Variants in ACER1 observed in about 807,000 individuals in gnomAD.
The protein encoded by ACER1 is alkaline ceramidase 1.
ACER1 carries 28 observed loss-of-function variants against 24.9 expected under a neutral mutation model. The ratio of observed to expected loss-of-function variants is 1.13; its 90% CI spans 0.83 to 1.54. The LOEUF is 1.54. ACER1 is among the 40% of genes most tolerant of loss of function. ACER1 has a pLI of 0.00. For synonymous variants in ACER1, 132 were observed against 131.4 expected (o/e 1.00, Z -0.03); for missense variants, 352 against 349.3 (o/e 1.01, Z -0.06).
At chr19:6,331,827 C>G (rs554086364) in intron 1 of ACER1, among the ~76,000 whole-genome samples, 2 of 152,140 alleles carry the variant, frequency 1.3e-5, no homozygotes, top group South Asian at 4.2e-4. Context: ...AAGAACTAAG[C>G]ACTATGCCTG....
intron 1 of ACER1, among the ~76,000 whole-genome samples, chr19:6,323,027 GCT>G (rs2091638827): frequency 6.6e-6 from 1 of 152,114 alleles, no homozygotes; most frequent in Non-Finnish European, 1.5e-5. Flanking sequence ...GAGGAGAATA[GCT>G]TGAACCAGGG....
chr19:6,335,283 G>A (rs2091709379), upstream of ACER1, among the ~76,000 whole-genome samples: 1 of 141,374 alleles, frequency 7.1e-6, no homozygotes, highest in Non-Finnish European at 1.5e-5. Context: ...GGAGTGCAGT[G>A]GCATGATCTT....
chr19:6,324,604 A>C lies in ACER1; in HGVS notation c.93+8855T>G, dbSNP rs569725365. On this transcript the variant is annotated intron_variant, in intron 1 of 5. Coordinates refer to ENST00000301452, the MANE Select transcript of ACER1 (RefSeq NM_133492.3). ...GAAACCCCATCTCTACTAAAAAAAAAAAAATACAAAATTAACCGGGCGTGG... is the reference window on the plus strand; with the variant it reads ...GAAACCCCATCTCTACTAAAAAAAACAAAATACAAAATTAACCGGGCGTGG... 4.5e-3 allele frequency among the ~76,000 whole-genome samples: 684 copies of C among 151,320 alleles called. 5 individuals are homozygous for C. The highest frequency in any genetic ancestry group is 0.016 in the African/African-American group (646 of 41,278).
chr19:6,316,483 G>T (rs2091603639), intron 1 of ACER1, among the ~76,000 whole-genome samples: 1 of 152,036 alleles, frequency 6.6e-6, no homozygotes, highest in Non-Finnish European at 1.5e-5. Context: ...AACATGGATG[G>T]AACCGGAGGA....
chr19:6,347,084 A>C, the ACER1 span, among the ~76,000 whole-genome samples: 6 of 131,720 alleles, frequency 4.6e-5, no homozygotes, highest in African/African-American at 1.8e-4. Flanking sequence ...CAACACCACG[A>C]GTCCCTGTCT....
chr19:6,334,906 T>C (rs1006639490), upstream of ACER1, among the ~76,000 whole-genome samples: 4 of 150,684 alleles, frequency 2.7e-5, no homozygotes, highest in Non-Finnish European at 5.9e-5. Flanking sequence ...GTTTTCTTAC[T>C]GAAGCTGACC....
intron 1 of ACER1, among the ~76,000 whole-genome samples, chr19:6,330,073 G>A (rs1348844457): frequency 2.6e-5 from 4 of 151,570 alleles, no homozygotes; most frequent in Admixed American, 6.6e-5. Context: ...GGGTTTCACC[G>A]TGTTAGCCAG....
intron 1 of ACER1, among the ~76,000 whole-genome samples, chr19:6,333,083 C>G (rs569717947): frequency 6.6e-6 from 1 of 152,232 alleles, no homozygotes; most frequent in Non-Finnish European, 1.5e-5. Flanking sequence ...TCCAGGAAGC[C>G]TTTCCTGATT....
intron 1 of ACER1, among the ~76,000 whole-genome samples, chr19:6,321,842 C>T (rs1252590028): frequency 1.3e-5 from 2 of 151,648 alleles, no homozygotes; most frequent in Non-Finnish European, 2.9e-5. Flanking sequence ...GAACTCCTGA[C>T]CTCAGGTCAT....
chr19:6,356,266 G>A, the ACER1 span, among the ~76,000 whole-genome samples: 3 of 147,716 alleles, frequency 2.0e-5, no homozygotes, highest in South Asian at 4.2e-4. Context: ...ACAGATGCTT[G>A]AAGGCAGCAT....
At chr19:6,329,730 G>A (rs532655238) in intron 1 of ACER1, among the ~76,000 whole-genome samples, 62 of 152,126 alleles carry the variant, frequency 4.1e-4, no homozygotes, top group South Asian at 8.3e-4. Flanking sequence ...TTTAGAGACA[G>A]GATATTACTC....
chr19:6,355,810 C>A, the ACER1 span, among the ~76,000 whole-genome samples: 2 of 145,278 alleles, frequency 1.4e-5, no homozygotes, highest in Non-Finnish European at 3.0e-5. Flanking sequence ...GGGGTTCAGC[C>A]CCCCGCCCGG....
chr19:6,311,491 G>A (rs750898828), intron 3 of ACER1, among the ~76,000 whole-genome samples: 3 of 151,838 alleles, frequency 2.0e-5, no homozygotes, highest in Non-Finnish European at 4.4e-5. Flanking sequence ...GCAGTGAGCC[G>A]AGATCGCACC....
At chr19:6,331,706 A>G (rs1217346743) in intron 1 of ACER1, among the ~76,000 whole-genome samples, 2 of 151,702 alleles carry the variant, frequency 1.3e-5, no homozygotes, top group Non-Finnish European at 2.9e-5. Flanking sequence ...AGGCAGCAGA[A>G]TGGCTTGAAC....
Position 6,309,729 on chromosome 19 carries a change from G to A in ACER1, c.456C>T (p.His152=). Residue 152 remains histidine, a synonymous_variant, in exon 4 of 6, where the codon CAC becomes CAT. Transcript: ENST00000301452. ...NAYALNSIAL[H]ILYIVCQEYR... Reference sequence around the variant, plus strand: ...ACTCCTGGCACACGATGTAGAGAATGTGCAGGGCAATGCTGTTGAGGGCGT... The same window carrying A: ...ACTCCTGGCACACGATGTAGAGAATATGCAGGGCAATGCTGTTGAGGGCGT... 6.2e-7 allele frequency: 1 copy of A among 1,614,070 alleles called. No individual in the cohort carries two copies. Among genetic ancestry groups the A allele is most frequent in the South Asian group, 1.1e-5 (1 of 91,080 alleles).
chr19:6,343,931 T>G, the ACER1 span: 1 of 152,360 alleles, frequency 6.6e-6, no homozygotes, highest in East Asian at 1.9e-4. Flanking sequence ...GACCCAGGAT[T>G]CTGGTACAAG....
intron 1 of ACER1, 32 bp downstream of exon 1, chr19:6,333,427 G>T: frequency 6.6e-7 from 1 of 1,524,416 alleles, no homozygotes; most frequent in South Asian, 1.2e-5. Context: ...ACCGGCATCT[G>T]GCGAGACTCC....
At chr19:6,331,900 T>C (rs114034319) in intron 1 of ACER1, among the ~76,000 whole-genome samples, 221 of 152,200 alleles carry the variant, frequency 1.5e-3, no homozygotes, top group African/African-American at 5.0e-3. Context: ...AGTATGGGCA[T>C]GGCATAGCTG....
chr19:6,326,427 AT>A (rs553349790), intron 1 of ACER1, among the ~76,000 whole-genome samples: 25 of 145,972 alleles, frequency 1.7e-4, no homozygotes, highest in East Asian at 1.6e-3. Flanking sequence ...CGCCCGGCCT[AT>A]TTTTTTTTTA....
Sources: allele counts gnomAD v4.1 joint callset (sites outside exome capture counted in the v4.1 genomes callset), GRCh38; gene constraint gnomAD v4.1.1; transcripts MANE v1.5; gene names NCBI Gene and HGNC (gene_info 2026-07-23, HGNC 2026-07-21).